The following TSPAN3 variants were observed in gnomAD, a reference collection of about 807,000 sequenced individuals.
The protein encoded by TSPAN3 is tetraspanin-3.
A neutral mutation model predicts 31.1 loss-of-function variants in TSPAN3; 9 were observed. The ratio of observed to expected loss-of-function variants is 0.29; its 90% CI spans 0.17 to 0.50. The LOEUF (loss-of-function observed/expected upper bound fraction) is 0.50, where lower values mean the gene tolerates loss of function less well. TSPAN3 is among the 20% of genes least tolerant of loss of function. The pLI is 0.98. For synonymous variants in TSPAN3, 129 were observed against 114.3 expected (o/e 1.13, Z -0.82); for missense variants, 252 against 313.5 (o/e 0.80, Z 1.48).
chr15:77,051,716 G>A (rs2076732166), intron 6 of TSPAN3, among the ~76,000 whole-genome samples: 1 of 151,730 alleles, frequency 6.6e-6, no homozygotes. Context: ...AAATTAGTCT[G>A]GTGTGGTGGC....
chr15:77,060,793 T>C (rs1409713009), intron 1 of TSPAN3, among the ~76,000 whole-genome samples: 1 of 152,026 alleles, frequency 6.6e-6, no homozygotes, highest in African/African-American at 2.4e-5. Flanking sequence ...TGAGAAAATC[T>C]GAGCCTGTAA....
At chr15:77,058,879 G>A (rs558877318) in intron 1 of TSPAN3, among the ~76,000 whole-genome samples, 2 of 152,314 alleles carry the variant, frequency 1.3e-5, no homozygotes, top group African/African-American at 4.8e-5. Context: ...GCTGAATTCT[G>A]ATGGCCATTA....
rs1421824848 is a variant in TSPAN3, at chr15:77,045,894, G to A, written c.*941C>T. ...GCATCTGTGGTTTTTTGAATATCAA[G>A]CCCTTTAGAATCTGGCAACAGCTAT... is the stretch of plus-strand genomic sequence containing the variant. On this transcript the variant is annotated 3_prime_UTR_variant, in exon 7 of 7. Transcript: ENST00000267970. 1.3e-5 allele frequency: 2 copies of A among 152,204 alleles called. No individual in the cohort carries two copies. Among genetic ancestry groups the A allele is most frequent in the Non-Finnish European group, 2.9e-5 (2 of 68,090 alleles). The allele number at this position is 152,204 out of a possible 1,614,324, so 9.4% of individuals were successfully genotyped here.
intron 1 of TSPAN3, among the ~76,000 whole-genome samples, chr15:77,062,415 T>C (rs2076806168): frequency 1.3e-5 from 2 of 152,110 alleles, no homozygotes; most frequent in Admixed American, 1.3e-4. Flanking sequence ...TCCTACCAAC[T>C]CTCAAGGAAA....
At chr15:77,066,048 T>A (rs768962774) in intron 1 of TSPAN3, among the ~76,000 whole-genome samples, 86 of 152,324 alleles carry the variant, frequency 5.6e-4, no homozygotes, top group Non-Finnish European at 1.1e-3. Context: ...ATTAGCCAAT[T>A]AGTTTTTCTA....
rs911194636 is a variant in TSPAN3, at chr15:77,042,513, G to A, written c.*4322C>T. ...AAATGCTGGGATATAGGAGGCACTC[G>A]AAGGGGCTCTCGCTGGCCAAGTCGG... is the stretch of plus-strand genomic sequence containing the variant. On this transcript the variant is annotated 3_prime_UTR_variant, in exon 7 of 7. Transcript: ENST00000267970. 2 of 152,160 alleles carry A rather than the reference G, an allele frequency of 1.3e-5. No homozygotes were observed. The highest frequency in any genetic ancestry group is 1.9e-4 in the East Asian group (1 of 5,198). The allele number at this position is 152,160 out of a possible 1,614,324, so 9.4% of individuals were successfully genotyped here.
chr15:77,059,324 C>T (rs958550131), intron 1 of TSPAN3, among the ~76,000 whole-genome samples: 17 of 152,156 alleles, frequency 1.1e-4, no homozygotes, highest in African/African-American at 1.9e-4. Flanking sequence ...CCTCGTGATC[C>T]GCCCGCCTCG....
intron 1 of TSPAN3, among the ~76,000 whole-genome samples, chr15:77,061,794 G>T (rs181737914): frequency 1.3e-5 from 2 of 152,346 alleles, no homozygotes; most frequent in Non-Finnish European, 2.9e-5. Flanking sequence ...AGTAGCCATT[G>T]ATGATGATTC....
intron 6 of TSPAN3, among the ~76,000 whole-genome samples, chr15:77,051,587 G>A (rs918018171): frequency 3.2e-4 from 48 of 151,426 alleles, no homozygotes; most frequent in African/African-American, 1.2e-3. Flanking sequence ...GGTGGCTCAC[G>A]CCTGTAAATC....
rs1412008778 is a variant in TSPAN3, at chr15:77,041,702, C to T, written c.*5133G>A. On this transcript the variant is annotated 3_prime_UTR_variant, in exon 7 of 7. Coordinates refer to ENST00000267970, the MANE Select transcript of TSPAN3 (RefSeq NM_005724.6). The stretch of plus-strand genomic sequence containing the variant: ...ACCCAGCCAAACATGACTTTTCCAT[C>T]CAGAGTAAATCCAACTAACAAGAAT... The T allele has an allele frequency of 6.6e-6, 1 of 152,036 alleles. No individual in the cohort carries two copies. The highest frequency in any genetic ancestry group is 1.5e-5 in the Non-Finnish European group (1 of 68,006). The allele number at this position is 152,036 out of a possible 1,614,324, so 9.4% of individuals were successfully genotyped here.
intron 1 of TSPAN3, among the ~76,000 whole-genome samples, chr15:77,070,456 G>A (rs895391172): frequency 2.0e-5 from 3 of 152,168 alleles, no homozygotes; most frequent in Middle Eastern, 6.8e-3. Flanking sequence ...GCCCGCCTCG[G>A]GACGGCCACT....
intron 1 of TSPAN3, 67 bp downstream of exon 1, chr15:77,070,825 C>A: frequency 1.0e-6 from 1 of 999,002 alleles, no homozygotes; most frequent in Non-Finnish European, 1.2e-6. Context: ...CCGGCCCCCA[C>A]GGGCGCCTCC....
Position 77,046,394 on chromosome 15 carries a change from C to T in TSPAN3, c.*441G>A. On this transcript the variant is annotated 3_prime_UTR_variant, in exon 7 of 7. Transcript: ENST00000267970. ...TTTAAAAGGACACCAATGAGGGGCA[C>T]CATCTGGTGTTAACCTTAACCAGAA... is the stretch of plus-strand genomic sequence containing the variant. The T allele has an allele frequency of 2.5e-6, 1 of 402,924 alleles. No individual in the cohort carries two copies. Among genetic ancestry groups the T allele is most frequent in the Non-Finnish European group, 4.4e-6 (1 of 228,262 alleles). The allele number at this position is 402,924 out of a possible 1,614,324, so 25.0% of individuals were successfully genotyped here.
At position 77,043,858 on chromosome 15, in the gene TSPAN3, TAGGGGTA is replaced by T. The variant is rs2076673162; in HGVS notation, c.*2970_*2976del. ...TCTTGGTAAGTACCCACTGAGGTAT[TAGGGGTA>T]AAAGGCCATGACAGGTGTGGAGGCA... is the stretch of plus-strand genomic sequence containing the variant. On this transcript the variant is annotated 3_prime_UTR_variant, in exon 7 of 7. Coordinates refer to ENST00000267970, the MANE Select transcript of TSPAN3 (RefSeq NM_005724.6). 1 of 152,016 alleles carries T rather than the reference TAGGGGTA, an allele frequency of 6.6e-6. No homozygotes were observed. Among genetic ancestry groups the T allele is most frequent in the Admixed American group, 6.6e-5 (1 of 15,244 alleles). 9.4% of individuals were successfully genotyped at this position (152,016 alleles called of 1,614,324 possible). A position where few individuals can be genotyped will look rare whatever the true frequency, so the allele number is the denominator to read the frequency against.
chr15:77,048,240 T>C (rs1302376843), intron 6 of TSPAN3, among the ~76,000 whole-genome samples: 1 of 152,232 alleles, frequency 6.6e-6, no homozygotes, highest in African/African-American at 2.4e-5. Context: ...CTGTTCTCTG[T>C]ACATCAAAAC....
Position 77,071,028 on chromosome 15 carries a change from C to T in TSPAN3, c.-74G>A, listed in dbSNP as rs2076866518. 8.8e-7 allele frequency: 1 copy of T among 1,139,148 alleles called. No individual in the cohort carries two copies. Among genetic ancestry groups the T allele is most frequent in the East Asian group, 3.4e-5 (1 of 29,224 alleles). The allele number at this position is 1,139,148 out of a possible 1,614,324, so 70.6% of individuals were successfully genotyped here. ...ACCGAGAGAGCGGCAATGGCGGCGG[C>T]GCCTCCTCGCTAGGAACTGCACGGC... On this transcript the variant is annotated 5_prime_UTR_variant, in exon 1 of 7. Transcript: ENST00000267970.
chr15:77,065,177 G>C (rs774793973), intron 1 of TSPAN3, among the ~76,000 whole-genome samples: 4 of 152,008 alleles, frequency 2.6e-5, no homozygotes, highest in Non-Finnish European at 5.9e-5. Flanking sequence ...CATAAAGCAC[G>C]ACCCAATCAC....
intron 1 of TSPAN3, among the ~76,000 whole-genome samples, chr15:77,060,327 T>TATACA (rs1259012116): frequency 1.3e-5 from 2 of 152,224 alleles, no homozygotes; most frequent in Non-Finnish European, 2.9e-5. Context: ...CTGTATATGG[T>TATACA]GCTTATATCT....
At chr15:77,050,859 T>C (rs1319398559) in intron 6 of TSPAN3, among the ~76,000 whole-genome samples, 1 of 152,038 alleles carries the variant, frequency 6.6e-6, no homozygotes, top group African/African-American at 2.4e-5. Flanking sequence ...AATAAAGAGG[T>C]AGGCTTTTTA....
Sources: gnomAD v4.1 joint callset for allele counts (sites outside exome capture counted in the v4.1 genomes callset) on GRCh38, gnomAD v4.1.1 for gene constraint, MANE v1.5 for transcripts, NCBI Gene and HGNC (gene_info 2026-07-23, HGNC 2026-07-21) for gene names.